The following OCA2 variants were observed in gnomAD, a reference collection of about 807,000 sequenced individuals.
OCA2 encodes OCA2 melanosomal transmembrane protein.
A neutral mutation model predicts 100.2 loss-of-function variants in OCA2; 77 were observed. That is an observed-to-expected ratio of 0.77 (90% CI 0.64 to 0.93). OCA2 has a LOEUF of 0.93. Ranked by LOEUF, OCA2 falls within the 40% of genes least tolerant of loss-of-function variation. The probability of loss-of-function intolerance (pLI) is 0.00; values close to 1 mark genes in which losing one functional copy is unlikely to be tolerated. For synonymous variants in OCA2, 432 were observed against 439.2 expected (o/e 0.98, Z 0.21); for missense variants, 1,062 against 1,089.1 (o/e 0.98, Z 0.35).
At chr15:27,815,935 C>G (rs1566987055) in intron 23 of OCA2, among the ~76,000 whole-genome samples, 1 of 152,128 alleles carries the variant, frequency 6.6e-6, no homozygotes, top group Non-Finnish European at 1.5e-5. Context: ...AGTTCGAGAC[C>G]AGCCTGACCA....
intron 21 of OCA2, among the ~76,000 whole-genome samples, chr15:27,858,947 C>A (rs1016040019): frequency 6.6e-6 from 1 of 151,806 alleles, no homozygotes; most frequent in African/African-American, 2.4e-5. Flanking sequence ...GAAGAAATTA[C>A]AAGGAAAATC....
At chr15:28,088,286 T>TG (rs2044813069) in intron 1 of OCA2, among the ~76,000 whole-genome samples, 2 of 152,248 alleles carry the variant, frequency 1.3e-5, no homozygotes, top group Admixed American at 1.3e-4. Flanking sequence ...CACTCCTTGA[T>TG]GTGTTTATTA....
At chr15:27,913,794 G>C (rs1269291731) in intron 19 of OCA2, among the ~76,000 whole-genome samples, 1 of 114,266 alleles carries the variant, frequency 8.8e-6, no homozygotes, top group Admixed American at 1.0e-4. Context: ...AAACCTAGCA[G>C]AGACACAACA....
chr15:28,032,242 A>G lies in OCA2; in HGVS notation c.228-79T>C, dbSNP rs911022279. The stretch of plus-strand genomic sequence containing the variant: ...TTCCCAGCACTCAGGTGCTAGATTC[A>G]AGAATGTGCCCAAGATTCAGTGATA... On this transcript the variant is annotated intron_variant, in intron 2 of 23. Coordinates refer to ENST00000354638, the MANE Select transcript of OCA2 (RefSeq NM_000275.3). The G allele has an allele frequency of 3.7e-6, 4 of 1,081,820 alleles. No homozygotes were observed. In the African/African-American group the frequency reaches 6.2e-5, roughly 17 times the overall value. The allele number at this position is 1,081,820 out of a possible 1,614,324, so 67.0% of individuals were successfully genotyped here.
At chr15:27,979,283 C>T (rs146699697) in intron 14 of OCA2, among the ~76,000 whole-genome samples, 62 of 152,236 alleles carry the variant, frequency 4.1e-4, no homozygotes, top group African/African-American at 1.5e-3. Context: ...CACATTTTGG[C>T]TTATGATATT....
At chr15:27,982,985 T>G (rs2041216837) in intron 14 of OCA2, among the ~76,000 whole-genome samples, 1 of 152,180 alleles carries the variant, frequency 6.6e-6, no homozygotes, top group South Asian at 2.1e-4. Context: ...TCCACCACAG[T>G]TTGGGAATCC....
intron 9 of OCA2, among the ~76,000 whole-genome samples, chr15:27,997,216 GGAAAGAAA>G (rs980451355): frequency 7.7e-6 from 1 of 130,670 alleles, no homozygotes; most frequent in Non-Finnish European, 1.7e-5. Context: ...ATAAAGGAAA[GGAAAGAAA>G]GAAAGGAAGG....
At chr15:27,862,477 A>ATTTTTTTTT (rs57715276) in intron 21 of OCA2, among the ~76,000 whole-genome samples, 1 of 145,282 alleles carries the variant, frequency 6.9e-6, no homozygotes. Context: ...CTCCTCAGAC[A>ATTTTTTTTT]TTTTTTTTTT....
intron 19 of OCA2, among the ~76,000 whole-genome samples, chr15:27,901,598 G>A (rs956733713): frequency 1.6e-4 from 25 of 152,212 alleles, no homozygotes; most frequent in African/African-American, 6.0e-4. Flanking sequence ...ACCCTACCTC[G>A]CAAGGAGGGT....
chr15:27,893,221 T>A (rs537311636), intron 19 of OCA2, among the ~76,000 whole-genome samples: 1 of 152,368 alleles, frequency 6.6e-6, no homozygotes, highest in Admixed American at 6.5e-5. Context: ...ATAATACTTT[T>A]ATAATTTCTT....
At chr15:27,989,985 G>C (rs1237778209) in intron 10 of OCA2, among the ~76,000 whole-genome samples, 1 of 152,178 alleles carries the variant, frequency 6.6e-6, no homozygotes, top group African/African-American at 2.4e-5. Context: ...TGCCGTGCCT[G>C]AGACCAGATG....
At chr15:27,806,734 T>G (rs2033868723) in intron 23 of OCA2, among the ~76,000 whole-genome samples, 1 of 152,246 alleles carries the variant, frequency 6.6e-6, no homozygotes, top group South Asian at 2.1e-4. Flanking sequence ...AAGAGGATAT[T>G]TTCTACAGAA....
chr15:28,052,823 A>G (rs1000865890), intron 2 of OCA2, among the ~76,000 whole-genome samples: 7 of 152,202 alleles, frequency 4.6e-5, no homozygotes, highest in Non-Finnish European at 7.3e-5. Context: ...TAATTCCTCA[A>G]TGGGTACTGG....
chr15:28,022,292 C>T (rs1164245354), intron 6 of OCA2, among the ~76,000 whole-genome samples: 1 of 152,196 alleles, frequency 6.6e-6, no homozygotes, highest in Non-Finnish European at 1.5e-5. Context: ...TCGGAGAGCT[C>T]CACCACCAAC....
Position 27,833,709 on chromosome 15 carries a change from C to T in OCA2, c.2432+11250G>A, listed in dbSNP as rs1416386138. Among the ~76,000 whole-genome samples the T allele has an allele frequency of 2.6e-5, 4 of 152,160 alleles. No individual in the cohort carries two copies. The East Asian group carries it at 5.8e-4, about 22-fold the overall frequency. On this transcript the variant is annotated intron_variant, in intron 23 of 23. Coordinates refer to ENST00000354638, the MANE Select transcript of OCA2 (RefSeq NM_000275.3). ...CTTCCCAGTTATAGGAAATTTGATC[C>T]GTGGAAAGGCAGAGAGAAATTTCCC...
chr15:27,819,219 C>A (rs1042038274), intron 23 of OCA2, among the ~76,000 whole-genome samples: 13 of 152,176 alleles, frequency 8.5e-5, no homozygotes, highest in African/African-American at 3.1e-4. Context: ...CTCTGTGAAC[C>A]AGCCAGTCAC....
intron 2 of OCA2, among the ~76,000 whole-genome samples, chr15:28,062,732 T>C (rs2043912640): frequency 6.6e-6 from 1 of 152,238 alleles, no homozygotes; most frequent in African/African-American, 2.4e-5. Flanking sequence ...AATTTTTGTA[T>C]ATGATGTGAA....
intron 21 of OCA2, among the ~76,000 whole-genome samples, chr15:27,865,684 A>G (rs1425632228): frequency 6.6e-6 from 1 of 152,208 alleles, no homozygotes; most frequent in Non-Finnish European, 1.5e-5. Context: ...AGCCTGGCCA[A>G]CTACAGAAGA....
intron 2 of OCA2, among the ~76,000 whole-genome samples, chr15:28,066,228 T>C (rs1286565098): frequency 6.6e-6 from 1 of 152,168 alleles, no homozygotes; most frequent in Non-Finnish European, 1.5e-5. Context: ...CTATAAAATT[T>C]TGCTTAGAGA....
Sources: allele counts gnomAD v4.1 joint callset (sites outside exome capture counted in the v4.1 genomes callset), GRCh38; gene constraint gnomAD v4.1.1; transcripts MANE v1.5; gene names NCBI Gene and HGNC (gene_info 2026-07-23, HGNC 2026-07-21).